Variants in PTPN2 observed in about 807,000 individuals in gnomAD.
PTPN2 encodes the protein protein tyrosine phosphatase non-receptor type 2.
Under a neutral mutation model 57.3 loss-of-function variants are expected in PTPN2, and 19 were observed. That is an observed-to-expected ratio of 0.33 (90% CI 0.23 to 0.49). The LOEUF is 0.49. PTPN2 is among the 20% of genes least tolerant of loss of function. The pLI is 0.99. For synonymous variants in PTPN2, 153 were observed against 164.9 expected, an observed-to-expected ratio of 0.93 and a Z score of 0.55; for missense variants, 358 against 501.1, an observed-to-expected ratio of 0.71 and a Z score of 2.73.
At position 12,792,884 on chromosome 18, in the gene PTPN2, C is replaced by T; in HGVS notation, c.*1394G>A. 1.0e-6 allele frequency: 1 copy of T among 977,640 alleles called. No homozygotes were observed. Among genetic ancestry groups the T allele is most frequent in the Non-Finnish European group, 1.2e-6 (1 of 822,822 alleles). 60.6% of individuals were successfully genotyped at this position (977,640 alleles called of 1,614,324 possible). ...GGGATTACAGGCATGAGCCACCGCG[C>T]CCGACCAAACTGTTTTTAAATGATA... On this transcript the variant is annotated 3_prime_UTR_variant, in exon 9 of 9. Coordinates refer to ENST00000309660, the MANE Select transcript of PTPN2 (RefSeq NM_002828.4).
chr18:12,849,357 G>A (rs2043314760), intron 2 of PTPN2, among the ~76,000 whole-genome samples: 2 of 152,162 alleles, frequency 1.3e-5, no homozygotes, highest in South Asian at 4.1e-4. Flanking sequence ...TCAGGAGCTC[G>A]AGACCAGCCT....
chr18:12,822,882 T>C (rs1169096506), intron 5 of PTPN2, among the ~76,000 whole-genome samples: 1 of 152,218 alleles, frequency 6.6e-6, no homozygotes, highest in Non-Finnish European at 1.5e-5. Context: ...CGCACCATCA[T>C]GATATTAACT....
At chr18:12,857,003 G>T (rs559406) in intron 2 of PTPN2, among the ~76,000 whole-genome samples, 62,891 of 143,756 alleles carry the variant, frequency 0.44, 15,510 homozygotes, top group Non-Finnish European at 0.55. Flanking sequence ...GGGGTTTGCA[G>T]TAAGCCAAGA....
intron 8 of PTPN2, among the ~76,000 whole-genome samples, chr18:12,797,047 T>C (rs1470291473): frequency 1.3e-5 from 2 of 152,208 alleles, no homozygotes. Flanking sequence ...ATATCTGCTA[T>C]AATGACTTGC....
chr18:12,861,485 T>C (rs1427041658), intron 1 of PTPN2, among the ~76,000 whole-genome samples: 1 of 152,230 alleles, frequency 6.6e-6, no homozygotes. Context: ...TTGTAATCAA[T>C]GCATCTGGAA....
chr18:12,860,976 G>GA (rs1294958496), intron 1 of PTPN2, among the ~76,000 whole-genome samples: 1 of 152,126 alleles, frequency 6.6e-6, no homozygotes, highest in African/African-American at 2.4e-5. Context: ...TTACATGTAA[G>GA]AAAAAGCATT....
At chr18:12,883,911 C>G (rs2044760014) in intron 1 of PTPN2, 162 bp downstream of exon 1, 1 of 495,766 alleles carries the variant, frequency 2.0e-6, no homozygotes, top group Non-Finnish European at 3.5e-6. Flanking sequence ...AGCAAGAGAG[C>G]GGTCAGCGCA....
chr18:12,806,637 T>C (rs996770952), intron 7 of PTPN2, among the ~76,000 whole-genome samples: 1 of 151,926 alleles, frequency 6.6e-6, no homozygotes, highest in African/African-American at 2.4e-5. Context: ...TGGAAATAAA[T>C]CTACGTATTT....
chr18:12,860,685 C>T (rs2043774240), intron 1 of PTPN2, among the ~76,000 whole-genome samples: 1 of 152,136 alleles, frequency 6.6e-6, no homozygotes, highest in African/African-American at 2.4e-5. Flanking sequence ...TCGCTTAAAC[C>T]CAGGAGGCGG....
intron 1 of PTPN2, among the ~76,000 whole-genome samples, chr18:12,860,531 A>G (rs2043767416): frequency 6.6e-6 from 1 of 152,156 alleles, no homozygotes; most frequent in African/African-American, 2.4e-5. Flanking sequence ...CGGGTGGCTG[A>G]GGTTGCAGTG....
chr18:12,785,822 A>G, exon 10 of PTPN2: 2 of 1,610,858 alleles, frequency 1.2e-6, no homozygotes, highest in Non-Finnish European at 1.7e-6. Flanking sequence ...AGTCATGAAT[A>G]TTAGGTGTCT....
At chr18:12,857,309 C>T (rs184583388) in intron 2 of PTPN2, among the ~76,000 whole-genome samples, 48 of 152,174 alleles carry the variant, frequency 3.2e-4, no homozygotes, top group Non-Finnish European at 5.0e-4. Flanking sequence ...GGAATCTACA[C>T]GTGATAAAAC....
At chr18:12,875,748 T>C (rs963278177) in intron 1 of PTPN2, among the ~76,000 whole-genome samples, 1 of 152,190 alleles carries the variant, frequency 6.6e-6, no homozygotes, top group African/African-American at 2.4e-5. Flanking sequence ...CTCTCTGGTT[T>C]ATCTGGACTA....
chr18:12,789,967 C>T (rs916038568), downstream of PTPN2, among the ~76,000 whole-genome samples: 13 of 152,020 alleles, frequency 8.6e-5, no homozygotes, highest in Admixed American at 5.2e-4. Flanking sequence ...CAAGTCTCCT[C>T]TACTGCCCAG....
chr18:12,837,246 C>G (rs569949375), intron 2 of PTPN2, among the ~76,000 whole-genome samples: 1 of 152,092 alleles, frequency 6.6e-6, no homozygotes, highest in Non-Finnish European at 1.5e-5. Flanking sequence ...ATTGGTCTAC[C>G]TACAAAACGA....
intron 7 of PTPN2, among the ~76,000 whole-genome samples, chr18:12,813,695 A>C (rs568833176): frequency 2.0e-5 from 3 of 152,242 alleles, no homozygotes; most frequent in Non-Finnish European, 4.4e-5. Context: ...AACTTAGTAC[A>C]TAACACAAGT....
At chr18:12,881,299 T>C (rs1170648066) in intron 1 of PTPN2, among the ~76,000 whole-genome samples, 3 of 152,054 alleles carry the variant, frequency 2.0e-5, no homozygotes, top group Non-Finnish European at 1.5e-5. Flanking sequence ...CAACCGGGCA[T>C]GGTGGTGTGT....
In PTPN2 at chr18:12,833,514, G is replaced by A. The variant is rs549168643; in HGVS notation, c.262-2473C>T. ...GGGAAGGAAACTACAGAAGAGCCTC[G>A]AAAAAGGTCCTAATACAGAGAGGGA... On this transcript the variant is annotated intron_variant, in intron 3 of 8. Transcript: ENST00000309660. 1.0e-3 allele frequency among the ~76,000 whole-genome samples: 153 copies of A among 152,284 alleles called. 1 individual carries two copies. Among genetic ancestry groups the A allele is most frequent in the Middle Eastern group, 3.4e-3 (1 of 292 alleles).
At chr18:12,824,435 A>C (rs895309762) in intron 5 of PTPN2, among the ~76,000 whole-genome samples, 3 of 152,212 alleles carry the variant, frequency 2.0e-5, no homozygotes, top group African/African-American at 7.2e-5. Context: ...TCTAAAAAGC[A>C]TGTATATATC....
Sources: allele counts gnomAD v4.1 joint callset (sites outside exome capture counted in the v4.1 genomes callset), GRCh38; gene constraint gnomAD v4.1.1; transcripts MANE v1.5; gene names NCBI Gene and HGNC (gene_info 2026-07-23, HGNC 2026-07-21).